Variants in SPECC1 observed in about 807,000 individuals in gnomAD.
The protein encoded by SPECC1 is sperm antigen with calponin homology and coiled-coil domains 1, also known as cytospin-B.
SPECC1 carries 62 observed loss-of-function variants against 104.1 expected under a neutral mutation model. That is an observed-to-expected ratio of 0.60 (90% confidence interval 0.49 to 0.74). The LOEUF (loss-of-function observed/expected upper bound fraction) is 0.74, where lower values mean the gene tolerates loss of function less well. Ranked by LOEUF, SPECC1 falls within the 30% of genes least tolerant of loss-of-function variation. The pLI is 0.00. For missense variants in SPECC1, 1,306 were observed against 1,310.5 expected (o/e 1.00, Z 0.05); for synonymous variants, 513 against 501.6 (o/e 1.02, Z -0.30).
At chr17:20,026,957 G>T (rs536418642) in intron 1 of SPECC1, among the ~76,000 whole-genome samples, 15 of 133,076 alleles carry the variant, frequency 1.1e-4, no homozygotes, top group African/African-American at 5.1e-4. Flanking sequence ...ATTATATTTT[G>T]TCTTTTTGAT....
chr17:20,199,110 AGAG>A (rs2036233074), intron 3 of SPECC1, among the ~76,000 whole-genome samples: 1 of 127,636 alleles, frequency 7.8e-6, no homozygotes, highest in African/African-American at 3.0e-5. Flanking sequence ...TTTTTGAAAC[AGAG>A]TCTTACTCTG....
chr17:20,014,559 G>T (rs1252238763), intron 1 of SPECC1, among the ~76,000 whole-genome samples: 3 of 152,078 alleles, frequency 2.0e-5, no homozygotes, highest in African/African-American at 7.2e-5. Context: ...ACTTTTCCAT[G>T]TGAATATTCT....
chr17:20,205,719 A>G lies in SPECC1; in HGVS notation c.1670A>G (p.His557Arg), dbSNP rs1020792549. ...ATGGAGAATGGATCTTTGAAGTCTC[A>G]TTTGCAGGGTGAGAAGCAGAAAGCC... ...LKMENGSLKS[H>R]LQGEKQKATE... Residue 557 changes from histidine to arginine, a missense_variant, in exon 4 of 15, where the codon CAT becomes CGT. Physicochemically the swap from His to Arg is conservative, Grantham distance 29 (BLOSUM62 0). This residue lies in a region of SPECC1 where 1,177 missense variants were observed against 1,139.9 expected (regional missense o/e 1.03). Transcript: ENST00000395527. The G allele has an allele frequency of 7.4e-6, 12 of 1,614,078 alleles. No individual in the cohort carries two copies. The highest frequency in any genetic ancestry group is 1.0e-5 in the Non-Finnish European group (12 of 1,180,030).
At position 20,315,943 on chromosome 17, in the gene SPECC1, G is replaced by T. The variant is rs193091299; in HGVS notation, c.*1878G>T. 78 of 232,746 alleles carry T rather than the reference G, an allele frequency of 3.4e-4. No individual in the cohort carries two copies. Among genetic ancestry groups the T allele is most frequent in the African/African-American group, 1.6e-3 (72 of 45,448 alleles). 14.4% of individuals were successfully genotyped at this position (232,746 alleles called of 1,614,324 possible). ...ACCAGAGATGCAGTTCACATGTTTT[G>T]TAAGTTCTTTAGGCGACTGAAGCAC... On this transcript the variant is annotated 3_prime_UTR_variant, in exon 15 of 15. Coordinates refer to ENST00000395527, the MANE Select transcript of SPECC1 (RefSeq NM_001243439.2).
chr17:20,096,713 G>A lies in SPECC1; in HGVS notation c.62G>A (p.Arg21Gln), dbSNP rs371567265. ...AGAGCAGGGGGCCACGGCCCAGACCGGGTGCGGCCTCTGCCTGCAGCCTCT... is the reference window on the plus strand; with the variant it reads ...AGAGCAGGGGGCCACGGCCCAGACCAGGTGCGGCCTCTGCCTGCAGCCTCT... ...AIRAGGHGPDRVRPLPAASSG... is the reference protein window; with the variant it reads ...AIRAGGHGPDQVRPLPAASSG... The change falls in exon 2 of 15, where the codon CGG becomes CAG. Residue 21 changes from arginine to glutamine, a missense_variant. By Grantham distance (43) the Arg-to-Gln change is conservative. Coordinates refer to ENST00000395527, the MANE Select transcript of SPECC1 (RefSeq NM_001243439.2). The A allele has an allele frequency of 8.1e-6, 13 of 1,614,108 alleles. No individual in the cohort carries two copies. The highest frequency in any genetic ancestry group is 8.0e-5 in the African/African-American group (6 of 74,948).
At position 20,318,106 on chromosome 17, in the gene SPECC1, C is replaced by T. The variant is rs2042063136; in HGVS notation, c.*4041C>T. The T allele has an allele frequency of 4.3e-6, 1 of 231,350 alleles. No individual in the cohort carries two copies. The highest frequency in any genetic ancestry group is 8.6e-6 in the Non-Finnish European group (1 of 116,950). 14.3% of individuals were successfully genotyped at this position (231,350 alleles called of 1,614,324 possible). ...AGCCACATTTCTTTCCATCTTCCCT[C>T]AGCCAGTAGTCATTTAAAATTCTTC... On this transcript the variant is annotated 3_prime_UTR_variant, in exon 15 of 15. Coordinates refer to ENST00000395527, the MANE Select transcript of SPECC1 (RefSeq NM_001243439.2).
intron 3 of SPECC1, among the ~76,000 whole-genome samples, chr17:20,168,116 GTACTAA>G (rs1449095246): frequency 6.6e-6 from 1 of 152,112 alleles, no homozygotes; most frequent in East Asian, 1.9e-4. Flanking sequence ...GATAAAAGTA[GTACTAA>G]TACTGTTAAT....
At position 20,094,684 on chromosome 17, in the gene SPECC1, T is replaced by A. The variant is rs966296824; in HGVS notation, c.-21-1947T>A. On this transcript the variant is annotated intron_variant, in intron 1 of 14. Transcript: ENST00000395527. ...CTGTAATATCCAGTCCTTTATTTTT[T>A]TTTTTTATTTAGAGAGAGGTTTTCA... 1.9e-4 allele frequency among the ~76,000 whole-genome samples: 29 copies of A among 152,134 alleles called. No individual in the cohort carries two copies. The South Asian group carries it at 5.2e-3, about 27-fold the overall frequency.
intron 7 of SPECC1, chr17:20,236,734 C>G: frequency 8.2e-7 from 1 of 1,221,492 alleles, no homozygotes; most frequent in South Asian, 1.4e-5. Context: ...ATCTGTTGGC[C>G]TATCCTGGAC....
intron 3 of SPECC1, among the ~76,000 whole-genome samples, chr17:20,158,850 C>A (rs2032860028): frequency 6.6e-6 from 1 of 152,156 alleles, no homozygotes. Flanking sequence ...CCTTGACCTT[C>A]CAAGCTCAGG....
chr17:20,196,911 G>A (rs538820284), intron 3 of SPECC1, among the ~76,000 whole-genome samples: 6 of 152,202 alleles, frequency 3.9e-5, no homozygotes, highest in East Asian at 1.9e-4. Flanking sequence ...TGTATTTCCC[G>A]AAGATTACTA....
At chr17:20,285,169 G>A (rs541285787) in intron 12 of SPECC1, among the ~76,000 whole-genome samples, 2 of 152,324 alleles carry the variant, frequency 1.3e-5, no homozygotes, top group African/African-American at 4.8e-5. Flanking sequence ...CAAGGCAAGC[G>A]AAAGCATCTT....
chr17:20,268,452 T>C (rs1471012553), intron 12 of SPECC1, among the ~76,000 whole-genome samples: 3 of 152,190 alleles, frequency 2.0e-5, no homozygotes, highest in African/African-American at 7.2e-5. Context: ...CTCTAAAATA[T>C]CAGGTCACTT....
intron 2 of SPECC1, among the ~76,000 whole-genome samples, chr17:20,100,989 A>G (rs556775773): frequency 6.6e-6 from 1 of 152,346 alleles, no homozygotes; most frequent in African/African-American, 2.4e-5. Context: ...TGCAAAGGAC[A>G]TGAACTCATT....
chr17:20,101,573 A>G (rs1157493795), intron 2 of SPECC1, among the ~76,000 whole-genome samples: 2 of 152,206 alleles, frequency 1.3e-5, no homozygotes, highest in Non-Finnish European at 2.9e-5. Flanking sequence ...GAGGGTGCAT[A>G]CACTCCTGTA....
At chr17:20,247,393 T>G in intron 9 of SPECC1, 74 bp downstream of exon 9, 1 of 1,042,482 alleles carries the variant, frequency 9.6e-7, no homozygotes, top group Non-Finnish European at 1.5e-6. Flanking sequence ...TTTACACATA[T>G]TAGTGTCCGT....
intron 4 of SPECC1, among the ~76,000 whole-genome samples, chr17:20,225,946 T>C (rs2038176669): frequency 6.6e-6 from 1 of 152,150 alleles, no homozygotes; most frequent in African/African-American, 2.4e-5. Context: ...TCATCAAATA[T>C]TCATTAAATG....
chr17:20,123,005 G>A (rs1276745031), intron 3 of SPECC1, among the ~76,000 whole-genome samples: 1 of 152,124 alleles, frequency 6.6e-6, no homozygotes, highest in Non-Finnish European at 1.5e-5. Flanking sequence ...CCTGGAAGTG[G>A]GATTGCTGGA....
At chr17:20,245,846 A>G in intron 7 of SPECC1, 80 bp from the exon 8 acceptor site, 1 of 1,491,162 alleles carries the variant, frequency 6.7e-7, no homozygotes, top group Non-Finnish European at 9.2e-7. Flanking sequence ...TCTCCACATC[A>G]GTTCTGTTTT....
Sources: gnomAD v4.1 joint callset for allele counts (sites outside exome capture counted in the v4.1 genomes callset) on GRCh38, gnomAD v4.1.1 for gene constraint, gnomAD v4.1.1 regional missense constraint, MANE v1.5 for transcripts, NCBI Gene and HGNC (gene_info 2026-07-23, HGNC 2026-07-21) for gene names.